The following ATXN7 variants were observed in gnomAD, a reference collection of about 807,000 sequenced individuals.
ATXN7 encodes the protein ataxin-7.
Under a neutral mutation model 70.5 loss-of-function variants are expected in ATXN7, and 12 were observed. That is an observed-to-expected ratio of 0.17 (90% CI 0.11 to 0.28). The LOEUF is 0.28. Among genes scored for constraint, ATXN7 ranks in the 10% least tolerant of loss-of-function variants. ATXN7 has a pLI of 1.00. For missense variants in ATXN7, 1,256 were observed against 1,131.7 expected, an observed-to-expected ratio of 1.11 and a Z score of -1.58; for synonymous variants, 498 against 448.7, an observed-to-expected ratio of 1.11 and a Z score of -1.39.
chr3:63,879,564 T>G (rs955800224), intron 1 of ATXN7, among the ~76,000 whole-genome samples: 1 of 150,682 alleles, frequency 6.6e-6, no homozygotes, highest in Admixed American at 6.6e-5. Flanking sequence ...CGATCTCGGC[T>G]CACTGCAACC....
At chr3:63,982,913 A>G (rs1331116954) in intron 7 of ATXN7, 26 bp from the exon 8 acceptor site, 4 of 1,587,718 alleles carry the variant, frequency 2.5e-6, no homozygotes, top group African/African-American at 1.3e-5. Flanking sequence ...GTCAGGCCAC[A>G]TGTAATGCCT....
At chr3:63,925,499 C>T (rs541801796) in intron 4 of ATXN7, among the ~76,000 whole-genome samples, 2 of 152,244 alleles carry the variant, frequency 1.3e-5, no homozygotes, top group Non-Finnish European at 2.9e-5. Flanking sequence ...ATCTAGGTTG[C>T]GTGCTCATTA....
In ATXN7 at chr3:63,990,298, G is replaced by C. The variant is rs985871808; in HGVS notation, c.1484G>C (p.Gly495Ala). 6.2e-7 allele frequency: 1 copy of C among 1,614,018 alleles called. No homozygotes were observed. The highest frequency in any genetic ancestry group is 1.3e-5 in the African/African-American group (1 of 74,906). The change falls in exon 10 of 13, where the codon GGC becomes GCC. Residue 495 changes from glycine to alanine, a missense_variant. Gly to Ala is a moderately conservative substitution (Grantham distance 60). Transcript: ENST00000674280. ...EPASRLSSEEGEGDDKEESVE... is the reference protein window; with the variant it reads ...EPASRLSSEEAEGDDKEESVE... ...GCTTCTCGGTTATCCAGTGAGGAGGGCGAAGGCGATGACAAAGAAGAGTCT... is the reference window on the plus strand; with the variant it reads ...GCTTCTCGGTTATCCAGTGAGGAGGCCGAAGGCGATGACAAAGAAGAGTCT...
In ATXN7 at chr3:63,909,063, A is replaced by AGT. The variant is rs1184237753; in HGVS notation, c.-11-3524_-11-3523dup. 2.0e-5 allele frequency among the ~76,000 whole-genome samples: 3 copies of AGT among 152,220 alleles called. No individual in the cohort carries two copies. In the East Asian group the frequency reaches 5.8e-4, roughly 29 times the overall value. On this transcript the variant is annotated intron_variant, in intron 2 of 12. Transcript: ENST00000674280. The stretch of plus-strand genomic sequence containing the variant: ...CTATCTTGTGTTCACCCTGGTGCCT[A>AGT]GTAGAGTGCCTAGTCTGTAGCAGGC...
At chr3:63,939,704 T>C (rs1390047648) in intron 4 of ATXN7, among the ~76,000 whole-genome samples, 13 of 152,172 alleles carry the variant, frequency 8.5e-5, no homozygotes, top group Non-Finnish European at 2.9e-5. Flanking sequence ...CTATAGTGTT[T>C]TAACTTGCCC....
At chr3:63,918,574 T>A (rs1704379702) in intron 4 of ATXN7, among the ~76,000 whole-genome samples, 1 of 152,204 alleles carries the variant, frequency 6.6e-6, no homozygotes, top group Non-Finnish European at 1.5e-5. Flanking sequence ...CCACAGTGAA[T>A]TATTTTGAAG....
chr3:63,996,944 C>G (rs972072406), intron 12 of ATXN7, among the ~76,000 whole-genome samples: 1 of 152,160 alleles, frequency 6.6e-6, no homozygotes, highest in East Asian at 1.9e-4. Flanking sequence ...TCAAACTGAT[C>G]TAGAAAGGGG....
At chr3:63,981,974 A>G (rs2075494497) in intron 6 of ATXN7, among the ~76,000 whole-genome samples, 1 of 152,168 alleles carries the variant, frequency 6.6e-6, no homozygotes, top group African/African-American at 2.4e-5. Context: ...GGCAAATTTG[A>G]TGGTCCACTG....
In ATXN7 at chr3:63,863,937, A is replaced by AGCGGC; in HGVS notation, c.-330_-329insGGCGC. On this transcript the variant is annotated 5_prime_UTR_variant, in exon 1 of 13. It introduces an in-frame stop codon into an upstream open reading frame of the 5' UTR. Transcript: ENST00000674280. ...CCGCGGCCGCCTGCTCCGACGCCTG[A>AGCGGC]GCCGCGCCGCGCCGCGCCGCCGCCG... 2.9e-6 allele frequency: 1 copy of AGCGGC among 339,046 alleles called. No homozygotes were observed. Among genetic ancestry groups the AGCGGC allele is most frequent in the Non-Finnish European group, 3.9e-6 (1 of 257,840 alleles). The allele number at this position is 339,046 out of a possible 1,614,324, so 21.0% of individuals were successfully genotyped here. A position where few individuals can be genotyped will look rare whatever the true frequency, so the allele number is the denominator to read the frequency against.
intron 4 of ATXN7, among the ~76,000 whole-genome samples, chr3:63,943,141 A>G (rs953551075): frequency 6.6e-6 from 1 of 152,232 alleles, no homozygotes; most frequent in Non-Finnish European, 1.5e-5. Flanking sequence ...AAGTCTTTCC[A>G]ATGAAATGTG....
At chr3:63,981,574 C>T (rs1044799068) in intron 6 of ATXN7, among the ~76,000 whole-genome samples, 2 of 152,210 alleles carry the variant, frequency 1.3e-5, no homozygotes, top group Non-Finnish European at 2.9e-5. Flanking sequence ...CAGGTATTCC[C>T]TAAGCTCCTG....
At chr3:63,980,481 C>G (rs1352643724) in intron 6 of ATXN7, 2 of 260,590 alleles carry the variant, frequency 7.7e-6, no homozygotes, top group Non-Finnish European at 1.5e-5. Flanking sequence ...TTACTATCCT[C>G]GTTTTCCAGA....
At chr3:63,885,106 T>C (rs566745186) in intron 1 of ATXN7, among the ~76,000 whole-genome samples, 2 of 152,008 alleles carry the variant, frequency 1.3e-5, no homozygotes, top group South Asian at 4.1e-4. Context: ...AACCAAAAAA[T>C]AGAAAAATGG....
intron 4 of ATXN7, among the ~76,000 whole-genome samples, chr3:63,929,422 G>A (rs1018260518): frequency 6.6e-6 from 1 of 151,936 alleles, no homozygotes; most frequent in Non-Finnish European, 1.5e-5. Flanking sequence ...ACAGGCATGC[G>A]CCACCATGCC....
At chr3:63,998,052 C>T (rs1355590793) in intron 12 of ATXN7, 35 of 985,344 alleles carry the variant, frequency 3.6e-5, no homozygotes, top group Admixed American at 6.1e-5. Flanking sequence ...GATTCTTCAA[C>T]GCACCGTCTT....
At chr3:63,899,955 A>G (rs1055014666) in intron 2 of ATXN7, among the ~76,000 whole-genome samples, 3 of 152,128 alleles carry the variant, frequency 2.0e-5, no homozygotes, top group South Asian at 2.1e-4. Context: ...ACAGTGGTGC[A>G]TGTGTATAGT....
At chr3:63,930,484 A>G (rs116454812) in intron 4 of ATXN7, among the ~76,000 whole-genome samples, 5,751 of 152,192 alleles carry the variant, frequency 0.038, 208 homozygotes, top group East Asian at 0.14. Context: ...AGAGAAGTCC[A>G]GAGTGGAAGA....
chr3:63,981,882 A>T (rs200931152), intron 6 of ATXN7, among the ~76,000 whole-genome samples: 1 of 152,226 alleles, frequency 6.6e-6, no homozygotes, highest in Non-Finnish European at 1.5e-5. Flanking sequence ...TTTGCTTCTT[A>T]TAGAAATTGC....
chr3:63,989,411 C>A (rs1035026318), intron 9 of ATXN7, among the ~76,000 whole-genome samples: 1 of 152,186 alleles, frequency 6.6e-6, no homozygotes, highest in African/African-American at 2.4e-5. Flanking sequence ...ATTCTTGTAT[C>A]ACCTCCTGTC....
Sources: allele counts gnomAD v4.1 joint callset (sites outside exome capture counted in the v4.1 genomes callset), GRCh38; gene constraint gnomAD v4.1.1; transcripts MANE v1.5; gene names NCBI Gene and HGNC (gene_info 2026-07-23, HGNC 2026-07-21).